Variants in AGAP5 observed in about 807,000 individuals in gnomAD.
The protein encoded by AGAP5 is ArfGAP with GTPase domain, ankyrin repeat and PH domain 5.
AGAP5 carries 8 observed loss-of-function variants against 27.7 expected under a neutral mutation model. The observed-to-expected ratio is 0.29, with a 90% CI of 0.17 to 0.52. AGAP5 has a LOEUF of 0.52. AGAP5 is among the 20% of genes least tolerant of loss of function. The pLI, the probability that AGAP5 is intolerant of heterozygous loss-of-function variation, is 0.97. For missense variants in AGAP5, 285 were observed against 880.8 expected (o/e 0.32, Z 8.56); for synonymous variants, 111 against 338.0 (o/e 0.33, Z 7.37).
In AGAP5 at chr10:73,674,407, C is replaced by T; in HGVS notation, c.*192G>A. On this transcript the variant is annotated 3_prime_UTR_variant, in exon 8 of 8. Coordinates refer to ENST00000374094, the MANE Select transcript of AGAP5 (RefSeq NM_001144000.4). ...GGAGGGCCTGAGACTAACACATCCA[C>T]CTTGGCAAAAGGACATAAAATATGT... 1.2e-6 allele frequency: 1 copy of T among 869,146 alleles called. No individual in the cohort carries two copies. The allele number at this position is 869,146 out of a possible 1,614,324, so 53.8% of individuals were successfully genotyped here. A position where few individuals can be genotyped will look rare whatever the true frequency, so the allele number is the denominator to read the frequency against.
At position 73,697,860 on chromosome 10, in the gene AGAP5, T is replaced by C; in HGVS notation, c.-105A>G. ...CTATGCTGCACTTGCAGAGATGGTC[T>C]TCCCGCTCCTCGCCTGCCCACCTCA... On this transcript the variant is annotated 5_prime_UTR_variant, in exon 1 of 8. Transcript: ENST00000374094. The C allele has an allele frequency of 6.4e-7, 1 of 1,554,736 alleles. No individual in the cohort carries two copies. The highest frequency in any genetic ancestry group is 1.1e-5 in the South Asian group (1 of 87,112).
At chr10:73,693,211 G>A (rs996481600) in intron 3 of AGAP5, among the ~76,000 whole-genome samples, 8 of 152,072 alleles carry the variant, frequency 5.3e-5, no homozygotes, top group African/African-American at 7.2e-5. Context: ...CCATGGCTCC[G>A]GAAGGAACTG....
At chr10:73,676,459 C>G (rs1350101323) in intron 7 of AGAP5, among the ~76,000 whole-genome samples, 1 of 144,712 alleles carries the variant, frequency 6.9e-6, no homozygotes, top group East Asian at 2.0e-4. Flanking sequence ...GCACTCCAGC[C>G]TGGGCTACAG....
chr10:73,691,234 A>G (rs1264339916), intron 4 of AGAP5, among the ~76,000 whole-genome samples: 2 of 152,248 alleles, frequency 1.3e-5, no homozygotes, highest in African/African-American at 4.8e-5. Flanking sequence ...AGGACATGTA[A>G]TGCAGAGGCA....
At chr10:73,681,890 T>C (rs2132445322) in intron 5 of AGAP5, 1 of 923,574 alleles carries the variant, frequency 1.1e-6, no homozygotes, top group East Asian at 1.2e-4. Flanking sequence ...GAAACACAAT[T>C]TCCTCTCAAC....
chr10:73,697,779 C>T lies in AGAP5; in HGVS notation c.-24G>A, dbSNP rs1353414661. 1 of 1,597,230 alleles carries T rather than the reference C, an allele frequency of 6.3e-7. No homozygotes were observed. The highest frequency in any genetic ancestry group is 8.5e-7 in the Non-Finnish European group (1 of 1,179,558). Reference sequence around the variant, plus strand: ...ATGGGGCGCCTCTACTGTCTGCCACCACCTGTGCCTCTGCTCACAGCTTTG... The same window carrying T: ...ATGGGGCGCCTCTACTGTCTGCCACTACCTGTGCCTCTGCTCACAGCTTTG... On this transcript the variant is annotated 5_prime_UTR_variant, in exon 1 of 8. Transcript: ENST00000374094.
intron 4 of AGAP5, among the ~76,000 whole-genome samples, chr10:73,689,071 C>G (rs2082089392): frequency 6.6e-6 from 1 of 152,220 alleles, no homozygotes; most frequent in Admixed American, 6.5e-5. Flanking sequence ...CATCTCGGCT[C>G]ACTGCAACCT....
Position 73,674,397 on chromosome 10 carries a change from A to G in AGAP5, c.*202T>C, listed in dbSNP as rs543923961. ...AATGTGGCCAGGAGGGCCTGAGACT[A>G]ACACATCCACCTTGGCAAAAGGACA... On this transcript the variant is annotated 3_prime_UTR_variant, in exon 8 of 8. Transcript: ENST00000374094. The G allele has an allele frequency of 1.4e-6, 1 of 698,878 alleles. No individual in the cohort carries two copies. The highest frequency in any genetic ancestry group is 1.8e-5 in the African/African-American group (1 of 55,418). 43.3% of individuals were successfully genotyped at this position (698,878 alleles called of 1,614,324 possible).
chr10:73,691,950 A>G, intron 4 of AGAP5, 93 bp downstream of exon 4: 2 of 1,145,702 alleles, frequency 1.7e-6, no homozygotes, highest in African/African-American at 1.6e-5. Context: ...CCATGCTACC[A>G]CCACCAGGTC....
intron 4 of AGAP5, among the ~76,000 whole-genome samples, chr10:73,688,931 GCCTCTGCCTCCTCTGCCT>G (rs940332362): frequency 6.6e-6 from 1 of 152,284 alleles, no homozygotes; most frequent in East Asian, 1.9e-4. Context: ...AACTGCCTCT[GCCTCTGCCTCCTCTGCCT>G]CCTCTGTCTC....
At chr10:73,695,220 A>G (rs1282940088) in intron 2 of AGAP5, among the ~76,000 whole-genome samples, 1 of 152,220 alleles carries the variant, frequency 6.6e-6, no homozygotes. Flanking sequence ...AGAGTTTTTA[A>G]AATTTTTAAA....
At chr10:73,676,429 T>C (rs1322543218) in intron 7 of AGAP5, among the ~76,000 whole-genome samples, 1 of 139,502 alleles carries the variant, frequency 7.2e-6, no homozygotes, top group Non-Finnish European at 1.6e-5. Context: ...GAGCCTGCAG[T>C]GAGCCAAGAT....
intron 3 of AGAP5, among the ~76,000 whole-genome samples, chr10:73,692,704 G>A (rs1410856675): frequency 2.0e-5 from 3 of 148,492 alleles, no homozygotes; most frequent in African/African-American, 5.0e-5. Context: ...GTGCAGTGGC[G>A]GGATCTCAGC....
chr10:73,697,185 A>C (rs1215826090), intron 1 of AGAP5, 22 bp from the exon 2 acceptor site: 2 of 1,592,388 alleles, frequency 1.3e-6, no homozygotes, highest in Admixed American at 1.7e-5. Flanking sequence ...GAGGGAGAAA[A>C]GAAAAAAGAT....
rs530988698 is a variant in AGAP5, at chr10:73,675,803, T to G, written c.857A>C (p.Gln286Pro). Residue 286 changes from glutamine to proline, a missense_variant, in exon 8 of 8, where the codon CAG becomes CCG. Coordinates refer to ENST00000374094, the MANE Select transcript of AGAP5 (RefSeq NM_001144000.4). ...CCCACTTCGCTTTAAGAGCATGCCC[T>G]GTTTAATGGGGATGGCTCTGCCGCT... ...IGSGRAIPIK[Q>P]GMLLKRSGKW... The G allele has an allele frequency of 1.9e-6, 3 of 1,613,086 alleles. No homozygotes were observed. In the African/African-American group the frequency reaches 4.0e-5, roughly 22 times the overall value.
chr10:73,692,508 C>G (rs1042915244), intron 3 of AGAP5, among the ~76,000 whole-genome samples: 1 of 152,114 alleles, frequency 6.6e-6, no homozygotes, highest in African/African-American at 2.4e-5. Flanking sequence ...ACACCTATCT[C>G]TAGATGCAAC....
intron 4 of AGAP5, among the ~76,000 whole-genome samples, chr10:73,688,646 C>A (rs2082084508): frequency 6.6e-6 from 1 of 151,550 alleles, no homozygotes; most frequent in Non-Finnish European, 1.5e-5. Context: ...AATTAAAAAT[C>A]AATGCAGGTG....
Position 73,694,813 on chromosome 10 carries a change from A to G in AGAP5, c.293-9T>C, listed in dbSNP as rs778168279. On this transcript the variant is annotated splice_polypyrimidine_tract_variant and intron_variant, in intron 2 of 7. Coordinates refer to ENST00000374094, the MANE Select transcript of AGAP5 (RefSeq NM_001144000.4). The stretch of plus-strand genomic sequence containing the variant: ...AGGGTTAAACTCCAAAGCTATATGC[A>G]TAGAGGAAGAAAAGAAAAAAAGATG... 6.6e-5 allele frequency: 105 copies of G among 1,597,472 alleles called. 1 individual carries two copies. The South Asian group carries it at 1.0e-3, about 15-fold the overall frequency.
intron 3 of AGAP5, among the ~76,000 whole-genome samples, chr10:73,694,373 T>C (rs1277676314): frequency 1.3e-5 from 2 of 152,146 alleles, no homozygotes; most frequent in Admixed American, 6.5e-5. Context: ...CTAAGTTCTA[T>C]CATTCATCTT....
Sources: allele counts gnomAD v4.1 joint callset (sites outside exome capture counted in the v4.1 genomes callset), GRCh38; gene constraint gnomAD v4.1.1; transcripts MANE v1.5; gene names NCBI Gene and HGNC (gene_info 2026-07-23, HGNC 2026-07-21).